PTPRT: variants seen among roughly 807,000 people sequenced by gnomAD.
The protein encoded by PTPRT is protein tyrosine phosphatase receptor type T, also known as receptor-type tyrosine-protein phosphatase T.
In PTPRT, 56 loss-of-function variants were observed where a neutral mutation model predicts 176.8. That is an observed-to-expected ratio of 0.32 (90% CI 0.26 to 0.40). The LOEUF (loss-of-function observed/expected upper bound fraction) is 0.40, where lower values mean the gene tolerates loss of function less well. Among genes scored for constraint, PTPRT ranks in the 10% least tolerant of loss-of-function variants. The probability of loss-of-function intolerance (pLI) is 1.00; values close to 1 mark genes in which losing one functional copy is unlikely to be tolerated. For synonymous variants in PTPRT, 783 were observed against 739.0 expected, an observed-to-expected ratio of 1.06 and a Z score of -0.96; for missense variants, 1,540 against 1,908.2, an observed-to-expected ratio of 0.81 and a Z score of 3.60.
Position 42,230,815 on chromosome 20 carries a change from G to A in PTPRT, c.2342+5414C>T, listed in dbSNP as rs139361971. The stretch of plus-strand genomic sequence containing the variant: ...CCACATGATTCACATTTGTGTGTGC[G>A]TGTGCGTGTATACTGGAGAGACAAT... On this transcript the variant is annotated intron_variant, in intron 15 of 30. Coordinates refer to ENST00000373187, the MANE Select transcript of PTPRT (RefSeq NM_007050.6). Among the ~76,000 whole-genome samples the A allele has an allele frequency of 7.9e-5, 12 of 152,322 alleles. 1 individual carries two copies. In the Middle Eastern group the frequency reaches 0.01, roughly 130 times the overall value.
rs192619381 is a variant in PTPRT at position 42,095,765 on chromosome 20, C to T, written c.3846+2656G>A. On this transcript the variant is annotated intron_variant, in intron 27 of 30. Coordinates refer to ENST00000373187, the MANE Select transcript of PTPRT (RefSeq NM_007050.6). ...GAGATGGCAATTTTTTTTTATGCCT[C>T]GCTTTGTCTGTGTTGCTCAGTGATG... Among the ~76,000 whole-genome samples the T allele has an allele frequency of 9.2e-5, 14 of 152,194 alleles. No individual in the cohort carries two copies. In the East Asian group the frequency reaches 2.3e-3, roughly 25 times the overall value.
chr20:42,903,685 A>G (rs2079436991), intron 1 of PTPRT, among the ~76,000 whole-genome samples: 1 of 152,202 alleles, frequency 6.6e-6, no homozygotes, highest in African/African-American at 2.4e-5. Context: ...CATTAATTGT[A>G]GGATGGAAGG....
At chr20:43,103,719 T>C (rs2012483965) in intron 1 of PTPRT, among the ~76,000 whole-genome samples, 1 of 150,604 alleles carries the variant, frequency 6.6e-6, no homozygotes, top group East Asian at 1.9e-4. Flanking sequence ...CAAAATCTTA[T>C]TTCATTTCAT....
chr20:42,666,312 AT>A (rs1231624261), intron 7 of PTPRT, among the ~76,000 whole-genome samples: 1 of 152,132 alleles, frequency 6.6e-6, no homozygotes, highest in Non-Finnish European at 1.5e-5. Context: ...ATGCCTATTT[AT>A]TTTTGTGAAA....
intron 27 of PTPRT, among the ~76,000 whole-genome samples, chr20:42,086,753 A>AAAAATATATAT (rs1983991312): frequency 1.0e-5 from 1 of 95,548 alleles, no homozygotes; most frequent in Non-Finnish European, 2.0e-5. Flanking sequence ...AAAAAAAAAA[A>AAAAATATATAT]ATATATATAT....
chr20:43,061,109 T>TGGAA (rs1434369086), intron 1 of PTPRT, among the ~76,000 whole-genome samples: 1 of 151,622 alleles, frequency 6.6e-6, no homozygotes, highest in East Asian at 1.9e-4. Context: ...GATGGATGGA[T>TGGAA]GGATGGATGG....
chr20:42,167,331 C>T (rs1480994475), intron 16 of PTPRT, among the ~76,000 whole-genome samples: 1 of 152,198 alleles, frequency 6.6e-6, no homozygotes, highest in Non-Finnish European at 1.5e-5. Flanking sequence ...ATCTATTTTA[C>T]TCCATTCCTG....
At chr20:42,204,286 G>C (rs1267867928) in intron 15 of PTPRT, among the ~76,000 whole-genome samples, 1 of 145,838 alleles carries the variant, frequency 6.9e-6, no homozygotes, top group Non-Finnish European at 1.5e-5. Flanking sequence ...TGCAGCTATA[G>C]CATGTTGAAG....
the PTPRT span, among the ~76,000 whole-genome samples, chr20:42,051,732 T>A: frequency 1.3e-5 from 2 of 152,222 alleles, no homozygotes; most frequent in South Asian, 4.1e-4. Context: ...CAATCATTGG[T>A]GCATGTGTAC....
intron 7 of PTPRT, among the ~76,000 whole-genome samples, chr20:42,658,722 G>A (rs2075169614): frequency 6.6e-6 from 1 of 152,110 alleles, no homozygotes; most frequent in African/African-American, 2.4e-5. Context: ...CTGTATTTCT[G>A]TATCTATATT....
intron 9 of PTPRT, among the ~76,000 whole-genome samples, chr20:42,366,297 C>T (rs1347685578): frequency 6.6e-6 from 1 of 152,254 alleles, no homozygotes; most frequent in Non-Finnish European, 1.5e-5. Flanking sequence ...GGCTTGTTAT[C>T]TGTGCAGAGA....
At chr20:42,789,299 T>C (rs968348688) in intron 3 of PTPRT, among the ~76,000 whole-genome samples, 2 of 152,214 alleles carry the variant, frequency 1.3e-5, no homozygotes, top group African/African-American at 4.8e-5. Context: ...CTAAAATTAA[T>C]TTCACTGATT....
chr20:42,076,862 GTTTGC>G lies in PTPRT; in HGVS notation c.*4012_*4016del, dbSNP rs1982823746. On this transcript the variant is annotated 3_prime_UTR_variant, in exon 31 of 31. Coordinates refer to ENST00000373187, the MANE Select transcript of PTPRT (RefSeq NM_007050.6). ...ATGAAGGAATTTTAAGCTTACTGTT[GTTTGC>G]TTTGAGCTTTATCCACTGACGTATC... is the stretch of plus-strand genomic sequence containing the variant. The G allele has an allele frequency of 5.0e-6, 1 of 201,194 alleles. No individual in the cohort carries two copies. Among genetic ancestry groups the G allele is most frequent in the Non-Finnish European group, 1.0e-5 (1 of 97,780 alleles). The allele number at this position is 201,194 out of a possible 1,614,324, so 12.5% of individuals were successfully genotyped here. A position where few individuals can be genotyped will look rare whatever the true frequency, so the allele number is the denominator to read the frequency against.
intron 7 of PTPRT, among the ~76,000 whole-genome samples, chr20:42,661,482 A>G (rs1002919414): frequency 1.3e-5 from 2 of 152,146 alleles, no homozygotes; most frequent in Non-Finnish European, 2.9e-5. Context: ...CTTTTTTTCA[A>G]GTATAAAGAT....
At chr20:42,667,192 T>C (rs545259789) in intron 7 of PTPRT, among the ~76,000 whole-genome samples, 68 of 152,312 alleles carry the variant, frequency 4.5e-4, no homozygotes, top group African/African-American at 1.6e-3. Context: ...TATGCATTGA[T>C]AATGATTCTG....
chr20:42,550,081 C>A (rs1266299128), intron 7 of PTPRT, among the ~76,000 whole-genome samples: 3 of 152,066 alleles, frequency 2.0e-5, no homozygotes, highest in Non-Finnish European at 4.4e-5. Context: ...ATAGAATGAC[C>A]ACTCTGTATT....
chr20:43,078,387 T>C (rs917071517), intron 1 of PTPRT, among the ~76,000 whole-genome samples: 1 of 152,234 alleles, frequency 6.6e-6, no homozygotes, highest in Non-Finnish European at 1.5e-5. Flanking sequence ...TGAATAGATA[T>C]TGGTGACCGA....
intron 1 of PTPRT, among the ~76,000 whole-genome samples, chr20:43,145,139 G>A (rs1306057344): frequency 6.6e-6 from 1 of 152,166 alleles, no homozygotes. Flanking sequence ...CCATTTATCT[G>A]TCTCCTTCCA....
At chr20:42,715,028 G>A (rs901697751) in intron 6 of PTPRT, among the ~76,000 whole-genome samples, 1 of 152,184 alleles carries the variant, frequency 6.6e-6, no homozygotes, top group African/African-American at 2.4e-5. Flanking sequence ...AGTTGCAGTT[G>A]AGGCTTCAGA....
Sources: gnomAD v4.1 joint callset for allele counts (sites outside exome capture counted in the v4.1 genomes callset) on GRCh38, gnomAD v4.1.1 for gene constraint, MANE v1.5 for transcripts, NCBI Gene and HGNC (gene_info 2026-07-23, HGNC 2026-07-21) for gene names.